TENM2: variants seen among roughly 807,000 people sequenced by gnomAD.
TENM2 encodes the protein teneurin-2.
A neutral mutation model predicts 245.2 loss-of-function variants in TENM2; 52 were observed. That is an observed-to-expected ratio of 0.21 (90% CI 0.17 to 0.27). TENM2 has a LOEUF of 0.27. TENM2 is among the 10% of genes least tolerant of loss of function. TENM2 has a pLI of 1.00. For synonymous variants in TENM2, 1,363 were observed against 1,438.9 expected, an observed-to-expected ratio of 0.95 and a Z score of 1.19; for missense variants, 3,046 against 3,666.8, an observed-to-expected ratio of 0.83 and a Z score of 4.37.
chr5:167,154,642 C>T, the TENM2 span, among the ~76,000 whole-genome samples: 1 of 152,090 alleles, frequency 6.6e-6, no homozygotes, highest in Non-Finnish European at 1.5e-5. Flanking sequence ...GTTTAAAATG[C>T]CTGCAAATGC....
chr5:167,988,465 A>G (rs1783414064), intron 4 of TENM2, among the ~76,000 whole-genome samples: 1 of 152,230 alleles, frequency 6.6e-6, no homozygotes, highest in Non-Finnish European at 1.5e-5. Flanking sequence ...CAGTTATGAC[A>G]GGGCAGAGAG....
chr5:167,451,620 T>A (rs1449249887), intron 2 of TENM2, among the ~76,000 whole-genome samples: 2 of 152,048 alleles, frequency 1.3e-5, no homozygotes, highest in African/African-American at 4.8e-5. Flanking sequence ...TCAAGGGTGC[T>A]TTCAGGAGCA....
rs114390573 is a variant in TENM2, at chr5:167,964,429, A to C, written c.947+11607A>C. 2.8e-4 allele frequency among the ~76,000 whole-genome samples: 42 copies of C among 152,322 alleles called. 1 individual carries two copies. Among genetic ancestry groups the C allele is most frequent in the African/African-American group, 9.9e-4 (41 of 41,568 alleles). On this transcript the variant is annotated intron_variant, in intron 4 of 28. Coordinates refer to ENST00000518659, the Ensembl canonical transcript of TENM2. ...CCTAATTTTAATCATCAAGATCCTC[A>C]AGCTGCAAAACGGTTTGCAATTTGC...
At chr5:167,967,962 G>A (rs113639517) in intron 4 of TENM2, among the ~76,000 whole-genome samples, 214 of 152,168 alleles carry the variant, frequency 1.4e-3, no homozygotes, top group African/African-American at 4.1e-3. Context: ...TTTTCTTTTC[G>A]CAGAAGCCAG....
rs763048661 is a variant in TENM2 at position 168,221,175 on chromosome 5, G to A, written c.5108+2176G>A. On this transcript the variant is annotated intron_variant, in intron 23 of 28. Transcript: ENST00000518659. ...TCCTTCAGTGAGAGCTTCCTTAGGG[G>A]GATTCCTCTCTTCCCACTCTGTTAC... 2.0e-4 allele frequency among the ~76,000 whole-genome samples: 31 copies of A among 152,116 alleles called. No homozygotes were observed. The Middle Eastern group carries it at 0.01, about 50-fold the overall frequency.
intron 2 of TENM2, among the ~76,000 whole-genome samples, chr5:167,607,229 T>C (rs1777119334): frequency 6.6e-6 from 1 of 152,104 alleles, no homozygotes; most frequent in South Asian, 2.1e-4. Flanking sequence ...TGGTGACAAA[T>C]GGCAGCTGGC....
chr5:167,738,694 C>T (rs902475953), intron 2 of TENM2, among the ~76,000 whole-genome samples: 1 of 152,108 alleles, frequency 6.6e-6, no homozygotes, highest in Non-Finnish European at 1.5e-5. Flanking sequence ...ATCGAGGTGT[C>T]AGCAGGTGTG....
chr5:168,152,782 T>C (rs1756769960), intron 12 of TENM2, among the ~76,000 whole-genome samples: 1 of 152,194 alleles, frequency 6.6e-6, no homozygotes, highest in Admixed American at 6.5e-5. Flanking sequence ...ACTCGCTGGG[T>C]ACCCTAGTCT....
intron 3 of TENM2, among the ~76,000 whole-genome samples, chr5:167,924,222 G>GT (rs981641444): frequency 1.3e-5 from 2 of 152,210 alleles, no homozygotes; most frequent in African/African-American, 2.4e-5. Flanking sequence ...ATCAGGTGCA[G>GT]TTTTTGGCTC....
intron 2 of TENM2, among the ~76,000 whole-genome samples, chr5:167,764,198 T>C (rs1033577859): frequency 2.0e-5 from 3 of 152,128 alleles, no homozygotes; most frequent in African/African-American, 7.2e-5. Context: ...CCACTGCTTA[T>C]ACCCCAATTT....
chr5:167,348,103 T>C (rs1287716140), intron 1 of TENM2, among the ~76,000 whole-genome samples: 1 of 152,206 alleles, frequency 6.6e-6, no homozygotes, highest in Non-Finnish European at 1.5e-5. Flanking sequence ...ATCTCTATTA[T>C]AGTAGTCCTG....
exon 17 of TENM2, chr5:168,200,019 G>C: frequency 6.2e-7 from 1 of 1,614,002 alleles, no homozygotes; most frequent in Non-Finnish European, 8.5e-7. Context: ...TGGCTGTCGA[G>C]GGGCATCTCT....
chr5:167,149,133 A>C, the TENM2 span, among the ~76,000 whole-genome samples: 1 of 152,020 alleles, frequency 6.6e-6, no homozygotes, highest in Non-Finnish European at 1.5e-5. Flanking sequence ...TCGTTATTTA[A>C]CATTAGGTAT....
chr5:167,624,167 C>T (rs1212667612), intron 2 of TENM2, among the ~76,000 whole-genome samples: 3 of 152,120 alleles, frequency 2.0e-5, no homozygotes, highest in Non-Finnish European at 4.4e-5. Context: ...TGGAATCAGC[C>T]TAGGTTCCCA....
chr5:167,385,174 G>A (rs1040315754), intron 2 of TENM2, among the ~76,000 whole-genome samples: 2 of 152,114 alleles, frequency 1.3e-5, no homozygotes, highest in Non-Finnish European at 2.9e-5. Context: ...GTAGGTGAAC[G>A]TTGGCTAGAA....
At chr5:168,227,824 T>C (rs1463864212) in intron 24 of TENM2, 71 bp from the exon 27 acceptor site, 2 of 1,024,274 alleles carry the variant, frequency 2.0e-6, no homozygotes, top group African/African-American at 3.3e-5. Context: ...AAAATAGGGG[T>C]TCTATTCTCT....
At chr5:167,328,206 T>G (rs201655922) in intron 1 of TENM2, among the ~76,000 whole-genome samples, 1 of 30,942 alleles carries the variant, frequency 3.2e-5, no homozygotes, top group African/African-American at 8.9e-5. Flanking sequence ...CTCATATCGT[T>G]TTTTTTTTTT....
chr5:167,296,065 C>A (rs1754929756), intron 1 of TENM2, among the ~76,000 whole-genome samples: 1 of 152,200 alleles, frequency 6.6e-6, no homozygotes, highest in East Asian at 1.9e-4. Context: ...ACAGAAAAAT[C>A]TTTTCAAGAA....
intron 13 of TENM2, among the ~76,000 whole-genome samples, chr5:168,163,316 G>T (rs894184430): frequency 2.6e-5 from 4 of 152,224 alleles, no homozygotes; most frequent in Non-Finnish European, 5.9e-5. Context: ...ATGGTCCATG[G>T]ACCAAACCTG....
Sources: allele counts gnomAD v4.1 joint callset (sites outside exome capture counted in the v4.1 genomes callset), GRCh38; gene constraint gnomAD v4.1.1; transcripts MANE v1.5; gene names NCBI Gene and HGNC (gene_info 2026-07-23, HGNC 2026-07-21).